The following AATK variants were observed in gnomAD, a reference collection of about 807,000 sequenced individuals.
The protein encoded by AATK is serine/threonine-protein kinase LMTK1.
Under a neutral mutation model 114.3 loss-of-function variants are expected in AATK, and 91 were observed. The ratio of observed to expected loss-of-function variants is 0.80; its 90% CI spans 0.67 to 0.95. The LOEUF (loss-of-function observed/expected upper bound fraction) is 0.95. Among genes scored for constraint, AATK ranks in the 40% least tolerant of loss-of-function variants. The probability of loss-of-function intolerance (pLI) is 0.00; values close to 1 mark genes in which losing one functional copy is unlikely to be tolerated. For synonymous variants in AATK, 1,075 were observed against 916.5 expected (o/e 1.17, Z -3.12); for missense variants, 2,176 against 1,965.2 (o/e 1.11, Z -2.03).
Position 81,119,885 on chromosome 17 carries a change from A to C in AATK, c.3883+51T>G, listed in dbSNP as rs1349109909. 3 of 1,388,270 alleles carry C rather than the reference A, an allele frequency of 2.2e-6. No individual in the cohort carries two copies. In the African/African-American group the frequency reaches 4.9e-5, roughly 22 times the overall value. The allele number at this position is 1,388,270 out of a possible 1,614,324, so 86.0% of individuals were successfully genotyped here. On this transcript the variant is annotated intron_variant, in intron 12 of 13. Transcript: ENST00000326724. Reference sequence around the variant, plus strand: ...AGGCCCCGCCTCCCACACAGCACGGACCAGGCCCTGCCTCCCGTGACGTCA... The same window carrying C: ...AGGCCCCGCCTCCCACACAGCACGGCCCAGGCCCTGCCTCCCGTGACGTCA...
chr17:81,118,314 G>A lies in AATK; in HGVS notation c.*88C>T, dbSNP rs2146266839. On this transcript the variant is annotated 3_prime_UTR_variant, in exon 14 of 14. Coordinates refer to ENST00000326724, the MANE Select transcript of AATK (RefSeq NM_001080395.3). ...CTGCTGCCAACAGCCACCAGGACGT[G>A]GTCCCCACCTTCTCGGTCACCATCC... is the stretch of plus-strand genomic sequence containing the variant. 3 of 1,400,002 alleles carry A rather than the reference G, an allele frequency of 2.1e-6. No individual in the cohort carries two copies. Among genetic ancestry groups the A allele is most frequent in the South Asian group, 2.5e-5 (2 of 78,598 alleles). 86.7% of individuals were successfully genotyped at this position (1,400,002 alleles called of 1,614,324 possible).
chr17:81,137,222 C>T (rs1275810570), intron 1 of AATK, among the ~76,000 whole-genome samples: 1 of 151,066 alleles, frequency 6.6e-6, no homozygotes, highest in Admixed American at 6.6e-5. Flanking sequence ...TGCACCATTG[C>T]ACTCCAGCCT....
chr17:81,157,801 C>T (rs1358051562), intron 1 of AATK, among the ~76,000 whole-genome samples: 2 of 152,220 alleles, frequency 1.3e-5, no homozygotes, highest in Non-Finnish European at 2.9e-5. Flanking sequence ...AAGGGGCAGG[C>T]AGCTCCAGCT....
At position 81,118,030 on chromosome 17, in the gene AATK, G is replaced by T; in HGVS notation, c.*372C>A. 1 of 215,962 alleles carries T rather than the reference G, an allele frequency of 4.6e-6. No homozygotes were observed. The highest frequency in any genetic ancestry group is 9.3e-6 in the Non-Finnish European group (1 of 107,952). The allele number at this position is 215,962 out of a possible 1,614,324, so 13.4% of individuals were successfully genotyped here. On this transcript the variant is annotated 3_prime_UTR_variant, in exon 14 of 14. Transcript: ENST00000326724. ...TGTGAGCACACCGGAGGAGCTGCCGGATGGGGCATGCGGGTCCTCCGAGGC... is the reference window on the plus strand; with the variant it reads ...TGTGAGCACACCGGAGGAGCTGCCGTATGGGGCATGCGGGTCCTCCGAGGC...
rs373751318 is a variant in AATK at position 81,124,864 on chromosome 17, C to A, written c.841-16G>T. 1.3e-5 allele frequency: 20 copies of A among 1,597,662 alleles called. No individual in the cohort carries two copies. The African/African-American group carries it at 2.7e-4, about 21-fold the overall frequency. On this transcript the variant is annotated splice_polypyrimidine_tract_variant and intron_variant, in intron 8 of 13. Coordinates refer to ENST00000326724, the MANE Select transcript of AATK (RefSeq NM_001080395.3). ...AGTAGTCCTCCTGTTGGCACAGGGACGGGTCACCCCTGCCGGCGCAGGCCC... is the reference window on the plus strand; with the variant it reads ...AGTAGTCCTCCTGTTGGCACAGGGAAGGGTCACCCCTGCCGGCGCAGGCCC...
intron 12 of AATK, 129 bp from the exon 13 acceptor site, chr17:81,119,709 T>C (rs2060668585): frequency 1.2e-6 from 1 of 861,158 alleles, no homozygotes; most frequent in South Asian, 2.7e-5. Flanking sequence ...TCCCATGATG[T>C]CACGGGCCCA....
Position 81,129,863 on chromosome 17 carries a change from C to T in AATK, c.334+1198G>A, listed in dbSNP as rs375038791. ...CTGAGTGGGTGGCTGCAGTCCTCCG[C>T]GCCCGCCCACAGATGTACTCGAGCT... On this transcript the variant is annotated intron_variant, in intron 3 of 13. Coordinates refer to ENST00000326724, the MANE Select transcript of AATK (RefSeq NM_001080395.3). Among the ~76,000 whole-genome samples, 33 of 152,332 alleles carry T rather than the reference C, an allele frequency of 2.2e-4. No individual in the cohort carries two copies. In the East Asian group the frequency reaches 5.6e-3, roughly 26 times the overall value.
rs751104783 is a variant in AATK at position 81,121,928 on chromosome 17, G to T, written c.2008C>A (p.Arg670=). 3.1e-6 allele frequency: 5 copies of T among 1,600,670 alleles called. No individual in the cohort carries two copies. The highest frequency in any genetic ancestry group is 1.7e-5 in the Admixed American group (1 of 59,900). ...CAGTGCCCGCGCTGGGCGGCCCTCC[G>T]CGCTCCCACCTCCTCTAGCTCATCC... ...GEDELEEVGA[R]RAAQRGHWRS... is the part of the protein sequence containing the mutation. The change falls in exon 11 of 14, where the codon CGG becomes AGG. Residue 670 remains arginine, a synonymous_variant. Transcript: ENST00000326724.
intron 5 of AATK, 44 bp from the exon 6 acceptor site, chr17:81,127,714 G>A (rs777503429): frequency 4.0e-5 from 61 of 1,540,820 alleles, no homozygotes; most frequent in Non-Finnish European, 5.3e-5. Flanking sequence ...AGGAGGTGGG[G>A]AGGGGGAGTC....
At chr17:81,137,384 C>A (rs930732950) in intron 1 of AATK, among the ~76,000 whole-genome samples, 2 of 152,102 alleles carry the variant, frequency 1.3e-5, no homozygotes, top group Admixed American at 1.3e-4. Flanking sequence ...CACGAGAGGA[C>A]CCTGGGCAGA....
Position 81,127,563 on chromosome 17 carries a change from C to T in AATK, c.621+20G>A, listed in dbSNP as rs754294080. The T allele has an allele frequency of 3.8e-6, 6 of 1,573,260 alleles. No individual in the cohort carries two copies. Among genetic ancestry groups the T allele is most frequent in the African/African-American group, 1.4e-5 (1 of 74,072 alleles). On this transcript the variant is annotated intron_variant, in intron 6 of 13. Coordinates refer to ENST00000326724, the MANE Select transcript of AATK (RefSeq NM_001080395.3). Reference sequence around the variant, plus strand: ...CCCGGCTCAGCAAAGACCCCAGCATCCCCCCGGGCAGCAGCTCACCAGTGG... The same window carrying T: ...CCCGGCTCAGCAAAGACCCCAGCATTCCCCCGGGCAGCAGCTCACCAGTGG...
intron 1 of AATK, among the ~76,000 whole-genome samples, chr17:81,162,019 C>G (rs759215007): frequency 6.6e-6 from 1 of 152,106 alleles, no homozygotes; most frequent in Non-Finnish European, 1.5e-5. Context: ...GAGAATGTGC[C>G]GGAATGAGAG....
intron 1 of AATK, among the ~76,000 whole-genome samples, chr17:81,149,637 C>T: frequency 6.6e-6 from 1 of 152,176 alleles, no homozygotes; most frequent in East Asian, 1.9e-4. Flanking sequence ...GCACCCCCAG[C>T]CCACCCTGGG....
intron 3 of AATK, among the ~76,000 whole-genome samples, chr17:81,129,810 A>G (rs1033391146): frequency 2.6e-5 from 4 of 152,158 alleles, no homozygotes; most frequent in Admixed American, 6.5e-5. Context: ...CCCCACAGCC[A>G]TCCGGGAAGG....
chr17:81,129,053 G>A, intron 3 of AATK: 1 of 368,160 alleles, frequency 2.7e-6, no homozygotes, highest in Non-Finnish European at 3.8e-6. Flanking sequence ...CGAGGGCCAG[G>A]CCGGGTGAGG....
Position 81,120,025 on chromosome 17 carries a change from G to T in AATK, c.3794C>A (p.Thr1265Lys). ...AGAGCCGGGGCTCCCCCTAAGGAAC[G>T]TAGGGGGCGATTCCTTGGCGCCCGG... ...PFPGAKESPP[T>K]FLRGSPGSPS... Residue 1265 changes from threonine (T) to lysine (K), a missense_variant, in exon 12 of 14, where the codon ACG (threonine) becomes AAG (lysine). This residue lies in a region of AATK where 1,701 missense variants were observed against 1,394.7 expected (regional missense o/e 1.22). Transcript: ENST00000326724. The T allele has an allele frequency of 6.9e-7, 1 of 1,453,526 alleles. No homozygotes were observed. The allele number at this position is 1,453,526 out of a possible 1,614,324, so 90.0% of individuals were successfully genotyped here.
rs181074632 is a variant in AATK, at chr17:81,121,608, C to T, written c.2328G>A (p.Pro776=). ...CCGTGGCAAGCTTGGGCTCTGCCTG[C>T]GGGTGGTCACCCCCACTACTGGCTG... ...TETASSGGDH[P]QAEPKLATEA... Residue 776 remains proline, a synonymous_variant, in exon 11 of 14, where the codon CCG becomes CCA. Coordinates refer to ENST00000326724, the MANE Select transcript of AATK (RefSeq NM_001080395.3). 3.7e-5 allele frequency: 56 copies of T among 1,495,402 alleles called. No homozygotes were observed. The highest frequency in any genetic ancestry group is 3.6e-4 in the Middle Eastern group (2 of 5,566). 92.6% of individuals were successfully genotyped at this position (1,495,402 alleles called of 1,614,324 possible). A position where few individuals can be genotyped will look rare whatever the true frequency, so the allele number is the denominator to read the frequency against.
At chr17:81,123,637 G>C (rs1423928758) in intron 9 of AATK, among the ~76,000 whole-genome samples, 1 of 151,854 alleles carries the variant, frequency 6.6e-6, no homozygotes, top group Non-Finnish European at 1.5e-5. Context: ...CTGAAGACCA[G>C]ACACTGCCCG....
chr17:81,165,931 G>C lies in AATK; in HGVS notation c.55+7C>G. On this transcript the variant is annotated splice_region_variant and intron_variant, in intron 1 of 13. Coordinates refer to ENST00000326724, the MANE Select transcript of AATK (RefSeq NM_001080395.3). ...GCGGCGCGCAGGCCGGGCCGCCAGG[G>C]ACTCACCGGGGTCGAAGTGCGAGCT... 6.3e-7 allele frequency: 1 copy of C among 1,578,214 alleles called. No individual in the cohort carries two copies. The highest frequency in any genetic ancestry group is 8.6e-7 in the Non-Finnish European group (1 of 1,163,634).
Sources: allele counts gnomAD v4.1 joint callset (sites outside exome capture counted in the v4.1 genomes callset), GRCh38; gene constraint gnomAD v4.1.1; regional missense constraint gnomAD v4.1.1; transcripts MANE v1.5; gene names NCBI Gene and HGNC (gene_info 2026-07-23, HGNC 2026-07-21).